MED12L: variants seen among roughly 807,000 people sequenced by gnomAD.
MED12L encodes mediator complex subunit 12L.
MED12L carries 60 observed loss-of-function variants against 281.3 expected under a neutral mutation model. The observed-to-expected ratio is 0.21, with a 90% CI of 0.17 to 0.26. The LOEUF (loss-of-function observed/expected upper bound fraction) is 0.26. MED12L is among the 10% of genes least tolerant of loss of function. The pLI is 1.00. For missense variants in MED12L, 2,146 were observed against 2,680.9 expected, an observed-to-expected ratio of 0.80 and a Z score of 4.41; for synonymous variants, 974 against 987.2, an observed-to-expected ratio of 0.99 and a Z score of 0.25.
At chr3:151,262,284 G>T (rs1739058604) in intron 16 of MED12L, among the ~76,000 whole-genome samples, 1 of 152,232 alleles carries the variant, frequency 6.6e-6, no homozygotes, top group African/African-American at 2.4e-5. Flanking sequence ...ACTAGTGATA[G>T]TTTGGATTTG....
At chr3:151,320,829 T>TG (rs1748910867) in intron 16 of MED12L, among the ~76,000 whole-genome samples, 1 of 152,188 alleles carries the variant, frequency 6.6e-6, no homozygotes, top group Non-Finnish European at 1.5e-5. Context: ...GACTAGTGAT[T>TG]GGGGTCAGGT....
intron 5 of MED12L, among the ~76,000 whole-genome samples, chr3:151,150,707 A>G (rs2148907212): frequency 6.6e-6 from 1 of 152,326 alleles, no homozygotes; most frequent in South Asian, 2.1e-4. Context: ...CACCTTCATC[A>G]ATGATCCCAG....
At chr3:151,141,166 GTTTTT>G (rs750239134) in intron 5 of MED12L, among the ~76,000 whole-genome samples, 1 of 98,122 alleles carries the variant, frequency 1.0e-5, no homozygotes, top group Admixed American at 9.7e-5. Context: ...CGTGCCTGGC[GTTTTT>G]TTTTTTGTTT....
At chr3:151,159,799 A>T (rs775559325) in intron 7 of MED12L, 33 bp from the exon 8 acceptor site, 8 of 1,588,368 alleles carry the variant, frequency 5.0e-6, no homozygotes, top group Admixed American at 1.7e-5. Flanking sequence ...CGCATAAGAC[A>T]TGACTGAAGT....
intron 5 of MED12L, among the ~76,000 whole-genome samples, chr3:151,149,703 A>G (rs1405131727): frequency 6.6e-6 from 1 of 152,242 alleles, no homozygotes; most frequent in Non-Finnish European, 1.5e-5. Flanking sequence ...ACATTTTACA[A>G]AATTGGAGTC....
At chr3:151,310,257 C>T (rs1038767479) in intron 16 of MED12L, among the ~76,000 whole-genome samples, 27 of 152,270 alleles carry the variant, frequency 1.8e-4, no homozygotes, top group Admixed American at 9.8e-4. Context: ...GAATAAAGTA[C>T]ACTGGGGAGA....
At chr3:151,249,128 C>T (rs919991285) in intron 16 of MED12L, 2 of 152,050 alleles carry the variant, frequency 1.3e-5, no homozygotes, top group Admixed American at 6.6e-5. Context: ...TAAGTTGGAC[C>T]TGATTTGGAT....
chr3:151,155,138 A>G (rs1719103087), intron 5 of MED12L, among the ~76,000 whole-genome samples: 1 of 152,248 alleles, frequency 6.6e-6, no homozygotes, highest in Non-Finnish European at 1.5e-5. Flanking sequence ...CTTTTGTCAA[A>G]ATAGAAGGTG....
At position 151,185,348 on chromosome 3, in the gene MED12L, G is replaced by A. The variant is rs1393568389; in HGVS notation, c.1513G>A (p.Ala505Thr). Residue 505 changes from alanine to threonine, a missense_variant, in exon 12 of 45, where the codon GCT (alanine) becomes ACT (threonine). Ala to Thr is a moderately conservative substitution (Grantham distance 58). This residue lies in a region of MED12L where 722 missense variants were observed against 861.2 expected (regional missense o/e 0.84). Transcript: ENST00000687756. ...TCATTAGGTTGCGCCCAACGATGAAGCTGTGGTGACGCTGTTATGTGAATG... is the reference window on the plus strand; with the variant it reads ...TCATTAGGTTGCGCCCAACGATGAAACTGTGGTGACGCTGTTATGTGAATG... ...DNQEVAPNDE[A>T]VVTLLCEWAV... 2 of 1,613,766 alleles carry A rather than the reference G, an allele frequency of 1.2e-6. No homozygotes were observed. Among genetic ancestry groups the A allele is most frequent in the Non-Finnish European group, 1.7e-6 (2 of 1,179,912 alleles).
At chr3:151,334,208 G>GTTTTTTTTTTTTTTTTT (rs1750699879) in intron 16 of MED12L, among the ~76,000 whole-genome samples, 1 of 19,594 alleles carries the variant, frequency 5.1e-5, no homozygotes. Flanking sequence ...TTTTTTTTTT[G>GTTTTTTTTTTTTTTTTT]CCATTTCTAT....
At chr3:151,327,762 T>A in intron 16 of MED12L, 2 of 348,892 alleles carry the variant, frequency 5.7e-6, no homozygotes, top group Non-Finnish European at 1.0e-5. Flanking sequence ...AAGAAAGAAA[T>A]AATGACCTCT....
chr3:151,145,001 C>T (rs757125770), intron 5 of MED12L, among the ~76,000 whole-genome samples: 8 of 152,208 alleles, frequency 5.3e-5, no homozygotes, highest in African/African-American at 1.9e-4. Context: ...TGTAAGTTTG[C>T]TTTCTTCTGG....
chr3:151,202,367 T>C (rs1725727624), intron 16 of MED12L, among the ~76,000 whole-genome samples: 1 of 152,166 alleles, frequency 6.6e-6, no homozygotes, highest in South Asian at 2.1e-4. Flanking sequence ...AGAGTGCCCA[T>C]TGCTTAGAAA....
chr3:151,431,048 A>T, intron 44 of MED12L, among the ~76,000 whole-genome samples: 1 of 152,164 alleles, frequency 6.6e-6, no homozygotes, highest in East Asian at 1.9e-4. Flanking sequence ...GAATTGAATC[A>T]CCCCTGGGCG....
At chr3:151,283,390 A>T (rs1743066336) in intron 16 of MED12L, among the ~76,000 whole-genome samples, 1 of 152,230 alleles carries the variant, frequency 6.6e-6, no homozygotes, top group Non-Finnish European at 1.5e-5. Context: ...CAAAACAAAA[A>T]CTTTTGTATG....
chr3:151,430,253 TG>T (rs760518771), intron 43 of MED12L, 45 bp from the exon 44 acceptor site: 1 of 1,612,380 alleles, frequency 6.2e-7, no homozygotes. Context: ...TGTCTGTGAT[TG>T]GCACCATGGA....
chr3:151,368,335 T>C, intron 25 of MED12L, 84 bp downstream of exon 25: 1 of 1,198,790 alleles, frequency 8.3e-7, no homozygotes, highest in South Asian at 1.3e-5. Flanking sequence ...TCCCTTTCTG[T>C]AATTGCCTTC....
chr3:151,332,805 T>G (rs551750543), intron 16 of MED12L, among the ~76,000 whole-genome samples: 1 of 152,280 alleles, frequency 6.6e-6, no homozygotes, highest in East Asian at 1.9e-4. Context: ...GTAAATTGTG[T>G]TTTGTAGGGG....
At chr3:151,147,882 G>T (rs1717947477) in intron 5 of MED12L, among the ~76,000 whole-genome samples, 1 of 152,164 alleles carries the variant, frequency 6.6e-6, no homozygotes, top group Non-Finnish European at 1.5e-5. Flanking sequence ...TAGTTCTCCT[G>T]GGTATGTATA....
Sources: gnomAD v4.1 joint callset for allele counts (sites outside exome capture counted in the v4.1 genomes callset) on GRCh38, gnomAD v4.1.1 for gene constraint, gnomAD v4.1.1 regional missense constraint, MANE v1.5 for transcripts, NCBI Gene and HGNC (gene_info 2026-07-23, HGNC 2026-07-21) for gene names.